Variants in ADAMTS18 observed in about 807,000 individuals in gnomAD.
ADAMTS18 encodes A disintegrin and metalloproteinase with thrombospondin motifs 18.
Under a neutral mutation model 165.9 loss-of-function variants are expected in ADAMTS18, and 157 were observed. That is an observed-to-expected ratio of 0.95 (90% CI 0.83 to 1.08). The LOEUF is 1.08. ADAMTS18 is among the 50% of genes least tolerant of loss of function. The pLI, the probability that ADAMTS18 is intolerant of heterozygous loss-of-function variation, is 0.00. For synonymous variants in ADAMTS18, 782 were observed against 578.2 expected (o/e 1.35, Z -5.06); for missense variants, 2,040 against 1,534.0 (o/e 1.33, Z -5.51).
chr16:77,362,176 C>T lies in ADAMTS18; in HGVS notation c.1145G>A (p.Arg382Lys), dbSNP rs368783738. Residue 382 changes from arginine (R) to lysine (K), a missense_variant, in exon 7 of 23, where the codon AGA (arginine) becomes AAA (lysine). Arg to Lys is a conservative substitution (Grantham distance 26). Coordinates refer to ENST00000282849, the MANE Select transcript of ADAMTS18 (RefSeq NM_199355.4). Reference protein sequence around the residue: ...QSALIGKNGKRHDHAILLTGF... With the variant: ...QSALIGKNGKKHDHAILLTGF... ...TGTTAGTAAGATGGCATGATCATGT[C>T]TCTTGCCATTCTTTCCAATGAGGGC... 137 of 1,614,082 alleles carry T rather than the reference C, an allele frequency of 8.5e-5. No homozygotes were observed. In the Middle Eastern group the frequency reaches 9.9e-4, roughly 12 times the overall value.
intron 12 of ADAMTS18, among the ~76,000 whole-genome samples, chr16:77,334,832 A>ATAGTATACAGTATATATACTATATACTG (rs2056278778): frequency 8.0e-6 from 1 of 125,730 alleles, no homozygotes. Flanking sequence ...ACTATATACT[A>ATAGTATACAGTATATATACTATATACTG]TAGTATACAG....
chr16:77,393,256 G>A (rs1346449306), intron 3 of ADAMTS18, among the ~76,000 whole-genome samples: 1 of 152,134 alleles, frequency 6.6e-6, no homozygotes, highest in Non-Finnish European at 1.5e-5. Context: ...GAAGTTCAGG[G>A]CAGTCATTAT....
intron 3 of ADAMTS18, among the ~76,000 whole-genome samples, chr16:77,388,992 T>C (rs987817665): frequency 2.6e-5 from 4 of 152,104 alleles, no homozygotes; most frequent in African/African-American, 7.2e-5. Flanking sequence ...ACTGATGTGA[T>C]TAAGTAACAA....
At chr16:77,375,995 C>A (rs2144760798) in intron 3 of ADAMTS18, among the ~76,000 whole-genome samples, 1 of 144,732 alleles carries the variant, frequency 6.9e-6, no homozygotes, top group South Asian at 2.3e-4. Context: ...CCGCTGCCTC[C>A]CGGGTTCAAG....
intron 16 of ADAMTS18, among the ~76,000 whole-genome samples, chr16:77,316,573 C>T (rs929583658): frequency 4.6e-5 from 7 of 152,188 alleles, no homozygotes; most frequent in Non-Finnish European, 8.8e-5. Flanking sequence ...CCTGACTATA[C>T]CCATCTCACA....
intron 3 of ADAMTS18, among the ~76,000 whole-genome samples, chr16:77,416,049 G>A (rs535813842): frequency 6.6e-6 from 1 of 152,130 alleles, no homozygotes; most frequent in Non-Finnish European, 1.5e-5. Flanking sequence ...ATAAACAAGT[G>A]AGTCAAGCAC....
chr16:77,320,981 G>T, intron 15 of ADAMTS18, 98 bp downstream of exon 15: 1 of 1,448,122 alleles, frequency 6.9e-7, no homozygotes, highest in Non-Finnish European at 9.7e-7. Context: ...TGTGTCCAGT[G>T]AACTAGTAAA....
chr16:77,412,944 G>A (rs907087996), intron 3 of ADAMTS18, among the ~76,000 whole-genome samples: 10 of 152,020 alleles, frequency 6.6e-5, no homozygotes, highest in East Asian at 3.9e-4. Context: ...CAATGCTCCC[G>A]CCTCCGTCTT....
intron 12 of ADAMTS18, among the ~76,000 whole-genome samples, chr16:77,331,553 T>C (rs1249262726): frequency 2.0e-5 from 3 of 152,182 alleles, no homozygotes; most frequent in Admixed American, 6.5e-5. Flanking sequence ...CTCCTTATCA[T>C]TATATTCAGT....
intron 3 of ADAMTS18, among the ~76,000 whole-genome samples, chr16:77,395,776 A>C (rs1205925525): frequency 3.3e-5 from 5 of 152,208 alleles, no homozygotes; most frequent in Non-Finnish European, 7.3e-5. Flanking sequence ...AAAGGATGGA[A>C]ATAGACAATG....
intron 12 of ADAMTS18, among the ~76,000 whole-genome samples, chr16:77,330,729 A>T (rs1190357089): frequency 6.6e-6 from 1 of 152,240 alleles, no homozygotes; most frequent in Non-Finnish European, 1.5e-5. Flanking sequence ...GTCAACAAAA[A>T]AAAACTGGTA....
chr16:77,333,003 C>T (rs1276765947), intron 12 of ADAMTS18, among the ~76,000 whole-genome samples: 1 of 152,202 alleles, frequency 6.6e-6, no homozygotes, highest in Admixed American at 6.5e-5. Context: ...CTGCAGTTCA[C>T]CAGTTTGAGA....
chr16:77,334,856 C>G (rs1327828327), intron 12 of ADAMTS18, among the ~76,000 whole-genome samples: 3 of 124,822 alleles, frequency 2.4e-5, no homozygotes, highest in African/African-American at 3.2e-5. Context: ...ATATAATATA[C>G]TATAATGTAC....
chr16:77,414,216 C>T (rs1366385928), intron 3 of ADAMTS18, among the ~76,000 whole-genome samples: 1 of 152,190 alleles, frequency 6.6e-6, no homozygotes, highest in East Asian at 1.9e-4. Context: ...ACAATTTTAG[C>T]AAACCAGTCA....
At chr16:77,416,988 T>C (rs967960408) in intron 3 of ADAMTS18, among the ~76,000 whole-genome samples, 4 of 152,152 alleles carry the variant, frequency 2.6e-5, no homozygotes, top group African/African-American at 9.7e-5. Flanking sequence ...TATTTATATA[T>C]CATGAAGGGC....
At chr16:77,295,814 C>T (rs992065349) in intron 18 of ADAMTS18, among the ~76,000 whole-genome samples, 1 of 151,820 alleles carries the variant, frequency 6.6e-6, no homozygotes, top group Non-Finnish European at 1.5e-5. Flanking sequence ...CTGTCTGAGA[C>T]TTGGTATATA....
intron 3 of ADAMTS18, among the ~76,000 whole-genome samples, chr16:77,400,682 C>T (rs369590223): frequency 2.4e-4 from 37 of 151,462 alleles, no homozygotes; most frequent in African/African-American, 8.0e-4. Context: ...AGGGTTTCAC[C>T]GTGGTCTCGA....
In ADAMTS18 at chr16:77,363,027, T is replaced by A. The variant is rs532156672; in HGVS notation, c.1057-763A>T. On this transcript the variant is annotated intron_variant, in intron 6 of 22. Transcript: ENST00000282849. ...ACACCTGGGCAATTAGATCAACTTT[T>A]GTCTTGTCTGTGTCTTCCTGCTTTT... is the stretch of plus-strand genomic sequence containing the variant. Among the ~76,000 whole-genome samples, 148 of 152,336 alleles carry A rather than the reference T, an allele frequency of 9.7e-4. 2 individuals carry two copies. Among genetic ancestry groups the A allele is most frequent in the Middle Eastern group, 3.4e-3 (1 of 294 alleles).
At chr16:77,382,890 T>A (rs1162192786) in intron 3 of ADAMTS18, among the ~76,000 whole-genome samples, 1 of 152,124 alleles carries the variant, frequency 6.6e-6, no homozygotes, top group Non-Finnish European at 1.5e-5. Flanking sequence ...TCAGCATCCT[T>A]GGAAAGCGGC....
Sources: allele counts gnomAD v4.1 joint callset (sites outside exome capture counted in the v4.1 genomes callset), GRCh38; gene constraint gnomAD v4.1.1; transcripts MANE v1.5; gene names NCBI Gene and HGNC (gene_info 2026-07-23, HGNC 2026-07-21).